The following PDE4B variants were observed in gnomAD, a reference collection of about 807,000 sequenced individuals.
PDE4B encodes the protein phosphodiesterase 4B.
A neutral mutation model predicts 82.2 loss-of-function variants in PDE4B; 20 were observed. The ratio of observed to expected loss-of-function variants is 0.24; its 90% CI spans 0.17 to 0.35. PDE4B has a LOEUF of 0.35. Among genes scored for constraint, PDE4B ranks in the 10% least tolerant of loss-of-function variants. The pLI is 1.00. For synonymous variants in PDE4B, 320 were observed against 318.9 expected (o/e 1.00, Z -0.04); for missense variants, 655 against 907.2 (o/e 0.72, Z 3.57).
chr1:65,900,431 C>A (rs1047836440), intron 1 of PDE4B, among the ~76,000 whole-genome samples: 2 of 151,920 alleles, frequency 1.3e-5, no homozygotes, highest in African/African-American at 4.8e-5. Context: ...ATTGCTTTCA[C>A]TATCTGGGCT....
chr1:66,088,699 G>A (rs1008900748), intron 3 of PDE4B, among the ~76,000 whole-genome samples: 1 of 152,004 alleles, frequency 6.6e-6, no homozygotes, highest in African/African-American at 2.4e-5. Flanking sequence ...CAGAACTTGG[G>A]CTTCAGAGCC....
intron 3 of PDE4B, among the ~76,000 whole-genome samples, chr1:66,026,353 A>G (rs1653431697): frequency 6.6e-6 from 1 of 152,170 alleles, no homozygotes; most frequent in Non-Finnish European, 1.5e-5. Context: ...ATGTCTAGCT[A>G]ACATTGTGCC....
At chr1:65,982,329 A>T (rs1650730859) in intron 3 of PDE4B, among the ~76,000 whole-genome samples, 1 of 152,224 alleles carries the variant, frequency 6.6e-6, no homozygotes, top group Non-Finnish European at 1.5e-5. Flanking sequence ...TCGCAAACAC[A>T]TCCTGGTTTC....
chr1:65,865,802 T>G lies in PDE4B; in HGVS notation c.-70-47443T>G, dbSNP rs1646504517. Reference sequence around the variant, plus strand: ...CTTCTTTGTTGGTCTCCCTGGGAGCTCAGACTGGAGCCGTTTTTATTCGGC... The same window carrying G: ...CTTCTTTGTTGGTCTCCCTGGGAGCGCAGACTGGAGCCGTTTTTATTCGGC... On this transcript the variant is annotated intron_variant, in intron 1 of 16. Transcript: ENST00000341517. 3.3e-5 allele frequency among the ~76,000 whole-genome samples: 5 copies of G among 152,186 alleles called. No individual in the cohort carries two copies. In the South Asian group the frequency reaches 1.0e-3, roughly 32 times the overall value.
intron 3 of PDE4B, among the ~76,000 whole-genome samples, chr1:65,959,556 A>AGTAC (rs10658150): frequency 0.17 from 25,501 of 152,024 alleles, 2,758 homozygotes; most frequent in Non-Finnish European, 0.24. Flanking sequence ...ATTAATATTA[A>AGTAC]GTACCATTAC....
intron 3 of PDE4B, among the ~76,000 whole-genome samples, chr1:66,232,476 G>A (rs1214340183): frequency 2.6e-5 from 4 of 152,112 alleles, no homozygotes; most frequent in Non-Finnish European, 5.9e-5. Context: ...AAACACATTA[G>A]GGAAGGATTG....
chr1:65,825,519 A>G (rs868337279), intron 1 of PDE4B, among the ~76,000 whole-genome samples: 1 of 152,174 alleles, frequency 6.6e-6, no homozygotes, highest in African/African-American at 2.4e-5. Flanking sequence ...GAAAGAGTCT[A>G]CTATCCATAA....
chr1:65,984,989 A>C (rs954674970), intron 3 of PDE4B, among the ~76,000 whole-genome samples: 1 of 152,106 alleles, frequency 6.6e-6, no homozygotes, highest in Non-Finnish European at 1.5e-5. Flanking sequence ...ATAAAATTCT[A>C]TTTTCTTCGT....
At chr1:66,203,894 C>G (rs1032681978) in intron 3 of PDE4B, among the ~76,000 whole-genome samples, 2 of 152,220 alleles carry the variant, frequency 1.3e-5, no homozygotes, top group African/African-American at 4.8e-5. Flanking sequence ...TGGTGAGGAA[C>G]TGCATTCCTT....
At chr1:65,917,181 A>G (rs999565724) in intron 2 of PDE4B, among the ~76,000 whole-genome samples, 1 of 152,194 alleles carries the variant, frequency 6.6e-6, no homozygotes, top group Non-Finnish European at 1.5e-5. Flanking sequence ...ATAATAATAG[A>G]TGTGTGTCAA....
At chr1:65,949,289 C>T (rs546214361) in intron 3 of PDE4B, among the ~76,000 whole-genome samples, 24 of 152,234 alleles carry the variant, frequency 1.6e-4, no homozygotes, top group African/African-American at 3.1e-4. Flanking sequence ...TCTCATAGAA[C>T]GGACCCATTG....
intron 7 of PDE4B, among the ~76,000 whole-genome samples, chr1:66,290,008 A>G (rs1656955523): frequency 6.6e-6 from 1 of 152,232 alleles, no homozygotes; most frequent in African/African-American, 2.4e-5. Context: ...CTGAGTGAGT[A>G]TTAATGCCAA....
intron 1 of PDE4B, among the ~76,000 whole-genome samples, chr1:65,860,706 CTGT>C (rs1646444745): frequency 6.6e-6 from 1 of 152,132 alleles, no homozygotes; most frequent in Non-Finnish European, 1.5e-5. Flanking sequence ...TCTCCAGCAC[CTGT>C]TGTTTCCTGA....
chr1:66,371,283 G>T (rs1469582310), intron 16 of PDE4B, among the ~76,000 whole-genome samples: 1 of 151,648 alleles, frequency 6.6e-6, no homozygotes, highest in Non-Finnish European at 1.5e-5. Context: ...CCATGGGTGG[G>T]TGCCCTTTGA....
intron 7 of PDE4B, among the ~76,000 whole-genome samples, chr1:66,328,030 A>C (rs1197067900): frequency 6.6e-6 from 1 of 152,252 alleles, no homozygotes; most frequent in African/African-American, 2.4e-5. Flanking sequence ...TAATCATCCT[A>C]CTTCCGTATC....
At chr1:66,338,359 T>C (rs993800670) in intron 8 of PDE4B, among the ~76,000 whole-genome samples, 2 of 114,640 alleles carry the variant, frequency 1.7e-5, no homozygotes, top group South Asian at 5.4e-4. Flanking sequence ...GTGATCTTGT[T>C]CTTTCAACTG....
chr1:66,261,708 T>C (rs1654696219), intron 6 of PDE4B, among the ~76,000 whole-genome samples: 2 of 152,324 alleles, frequency 1.3e-5, no homozygotes, highest in African/African-American at 2.4e-5. Context: ...AAAGTTCCTG[T>C]TGAGGTGGTT....
intron 3 of PDE4B, among the ~76,000 whole-genome samples, chr1:66,161,336 A>G (rs1394375909): frequency 6.6e-6 from 1 of 152,044 alleles, no homozygotes; most frequent in Non-Finnish European, 1.5e-5. Context: ...TTTTTAATGT[A>G]TTCTCAGAAA....
chr1:65,871,399 T>C (rs897720702), intron 1 of PDE4B, among the ~76,000 whole-genome samples: 13 of 152,200 alleles, frequency 8.5e-5, no homozygotes, highest in African/African-American at 2.4e-4. Flanking sequence ...ACAGCATGGA[T>C]TAAAGACAGG....
Sources: gnomAD v4.1 joint callset for allele counts (sites outside exome capture counted in the v4.1 genomes callset) on GRCh38, gnomAD v4.1.1 for gene constraint, MANE v1.5 for transcripts, NCBI Gene and HGNC (gene_info 2026-07-23, HGNC 2026-07-21) for gene names.